FOXN4: variants seen among roughly 807,000 people sequenced by gnomAD.
The protein encoded by FOXN4 is forkhead box N4.
In FOXN4, 12 loss-of-function variants were observed where a neutral mutation model predicts 45.0. The ratio of observed to expected loss-of-function variants is 0.27; its 90% confidence interval spans 0.17 to 0.43. The LOEUF (loss-of-function observed/expected upper bound fraction) is 0.43, where lower values mean the gene tolerates loss of function less well. Among genes scored for constraint, FOXN4 ranks in the 20% least tolerant of loss-of-function variants. The pLI is 1.00. For missense variants in FOXN4, 560 were observed against 694.9 expected (o/e 0.81, Z 2.18); for synonymous variants, 297 against 295.0 (o/e 1.01, Z -0.07).
At chr12:109,306,399 T>C (rs2047922322) in intron 2 of FOXN4, among the ~76,000 whole-genome samples, 1 of 152,220 alleles carries the variant, frequency 6.6e-6, no homozygotes, top group African/African-American at 2.4e-5. Flanking sequence ...TCTCACTCTC[T>C]GACTCCCCTA....
At chr12:109,286,503 A>AGT in intron 7 of FOXN4, 145 bp downstream of exon 7, 1 of 727,894 alleles carries the variant, frequency 1.4e-6, no homozygotes, top group Non-Finnish European at 2.3e-6. Flanking sequence ...CTTCTGTGTG[A>AGT]GTGTGTGTGC....
At chr12:109,300,983 G>A (rs1308013382) in intron 2 of FOXN4, among the ~76,000 whole-genome samples, 1 of 152,252 alleles carries the variant, frequency 6.6e-6, no homozygotes, top group Non-Finnish European at 1.5e-5. Context: ...ACAGTCACTT[G>A]TCAGGGGACC....
Position 109,278,705 on chromosome 12 carries a change from G to C in FOXN4, c.*966C>G, listed in dbSNP as rs946027221. The C allele has an allele frequency of 6.6e-6, 1 of 151,124 alleles. No individual in the cohort carries two copies. Among genetic ancestry groups the C allele is most frequent in the East Asian group, 1.9e-4 (1 of 5,178 alleles). The allele number at this position is 151,124 out of a possible 1,614,324, so 9.4% of individuals were successfully genotyped here. The stretch of plus-strand genomic sequence containing the variant: ...ATTTTCCCCTTTGAAAGCCCCCCAA[G>C]CCCCCAAACAATGGCACCGCCCCTC... On this transcript the variant is annotated 3_prime_UTR_variant, in exon 10 of 10. Coordinates refer to ENST00000299162, the MANE Select transcript of FOXN4 (RefSeq NM_213596.3).
In FOXN4 at chr12:109,304,291, GAAAGGA is replaced by G. The variant is rs1566005739; in HGVS notation, c.86+3939_86+3944del. Among the ~76,000 whole-genome samples the G allele has an allele frequency of 2.5e-3, 110 of 44,578 alleles. 3 individuals are homozygous for G. Among genetic ancestry groups the G allele is most frequent in the Non-Finnish European group, 3.1e-3 (65 of 21,156 alleles). The allele number at this position is 44,578 out of a possible 152,430, so 29.2% of individuals were successfully genotyped here. On this transcript the variant is annotated intron_variant, in intron 2 of 9. Coordinates refer to ENST00000299162, the MANE Select transcript of FOXN4 (RefSeq NM_213596.3). Reference sequence around the variant, plus strand: ...AGAAAGAAAGAAAGAAAGAAAGAAAGAAAGGAGAAAGAAAGAAGGAAAGAAGGAAAG... The same window carrying G: ...AGAAAGAAAGAAAGAAAGAAAGAAAGGAAAGAAAGAAGGAAAGAAGGAAAG...
At chr12:109,286,621 G>A (rs891403950) in intron 7 of FOXN4, 27 bp downstream of exon 7, 3 of 1,587,202 alleles carry the variant, frequency 1.9e-6, no homozygotes, top group Admixed American at 1.8e-5. Flanking sequence ...GGCAGCTCCA[G>A]CACCCCTACC....
chr12:109,304,631 CCGCCTCT>C (rs879865709), intron 2 of FOXN4, among the ~76,000 whole-genome samples: 2,564 of 152,300 alleles, frequency 0.017, 35 homozygotes, highest in Non-Finnish European at 0.025. Context: ...GACAGGGCAG[CCGCCTCT>C]AGCTGCTGCC....
Position 109,281,528 on chromosome 12 carries a change from G to A in FOXN4, c.1173C>T (p.Ser391=), listed in dbSNP as rs149162620. Residue 391 remains serine (S), a synonymous_variant, in exon 9 of 10, where the codon AGC becomes AGT. Coordinates refer to ENST00000299162, the MANE Select transcript of FOXN4 (RefSeq NM_213596.3). ...TPPLHALPDL[S]PSPLPHPAMG... ...TGGCGGGGTGGGGGAGCGGGCTGGG[G>A]CTGAGGTCCGGCAGGGCGTGCAGTG... is the stretch of plus-strand genomic sequence containing the variant. The A allele has an allele frequency of 6.8e-6, 11 of 1,613,526 alleles. No individual in the cohort carries two copies. The highest frequency in any genetic ancestry group is 1.3e-5 in the African/African-American group (1 of 74,898).
intron 2 of FOXN4, among the ~76,000 whole-genome samples, chr12:109,307,204 A>C (rs1380742451): frequency 6.6e-6 from 1 of 152,238 alleles, no homozygotes; most frequent in Non-Finnish European, 1.5e-5. Flanking sequence ...CTGTCCCAGC[A>C]GGCACTCCTG....
intron 2 of FOXN4, among the ~76,000 whole-genome samples, chr12:109,301,635 C>G (rs1299279614): frequency 6.6e-6 from 1 of 152,266 alleles, no homozygotes; most frequent in Non-Finnish European, 1.5e-5. Flanking sequence ...TCTTTCTCAG[C>G]CTAAATGATC....
rs1370380486 is a variant in FOXN4 at position 109,292,722 on chromosome 12, G to A, written c.87-2436C>T. ...AGCTTTGGGGTCTGGGGGTCACACCGACATGCCCCGGCCACTGCTACCACT... is the reference window on the plus strand; with the variant it reads ...AGCTTTGGGGTCTGGGGGTCACACCAACATGCCCCGGCCACTGCTACCACT... On this transcript the variant is annotated intron_variant, in intron 2 of 9. Transcript: ENST00000299162. 4.6e-5 allele frequency among the ~76,000 whole-genome samples: 7 copies of A among 152,228 alleles called. 1 individual carries two copies. The South Asian group carries it at 8.3e-4, about 18-fold the overall frequency.
Position 109,287,933 on chromosome 12 carries a change from C to T in FOXN4, c.379G>A (p.Gly127Ser). 6.5e-7 allele frequency: 1 copy of T among 1,549,794 alleles called. No individual in the cohort carries two copies. The change falls in exon 5 of 10, where the codon GGC becomes AGC. Residue 127 changes from glycine to serine, a missense_variant. By Grantham distance (56) the Gly-to-Ser change is moderately conservative. Transcript: ENST00000299162. The surrounding 1 kb of genome is among the most constrained non-coding windows in gnomAD (Gnocchi z 4.1). ...RDSMSQFPVG[G>S]QPSSGLQDPP... ...TCCTGCAGGCCAGATGAGGGCTGGC[C>T]CCCCACGGGGAACTGGCTCATCTGC...
intron 8 of FOXN4, among the ~76,000 whole-genome samples, chr12:109,283,532 G>A (rs1245747492): frequency 6.8e-6 from 1 of 146,758 alleles, no homozygotes; most frequent in Non-Finnish European, 1.5e-5. Flanking sequence ...CTGGAGTACA[G>A]TGGCTTGATC....
At chr12:109,308,063 GC>G (rs2047937438) in intron 2 of FOXN4, among the ~76,000 whole-genome samples, 172 bp downstream of exon 2, 1 of 152,122 alleles carries the variant, frequency 6.6e-6, no homozygotes, top group African/African-American at 2.4e-5. Flanking sequence ...CCAGGTTGTG[GC>G]CCAGACACCC....
At chr12:109,301,591 G>A (rs1232050968) in intron 2 of FOXN4, among the ~76,000 whole-genome samples, 1 of 152,178 alleles carries the variant, frequency 6.6e-6, no homozygotes, top group African/African-American at 2.4e-5. Context: ...CCCTCTGCCT[G>A]GAATGCTGTT....
chr12:109,297,379 C>T (rs1458496711), intron 2 of FOXN4, among the ~76,000 whole-genome samples: 1 of 152,220 alleles, frequency 6.6e-6, no homozygotes, highest in Non-Finnish European at 1.5e-5. Flanking sequence ...TTGCTCTTGT[C>T]GCCCAGGCTG....
At chr12:109,282,644 C>T (rs2047663829) in intron 8 of FOXN4, among the ~76,000 whole-genome samples, 1 of 152,164 alleles carries the variant, frequency 6.6e-6, no homozygotes, top group Non-Finnish European at 1.5e-5. Flanking sequence ...CCTAGCCACT[C>T]CCTGCTACTA....
At position 109,290,146 on chromosome 12, in the gene FOXN4, T is replaced by A. The variant is rs772022139; in HGVS notation, c.227A>T (p.His76Leu). The change falls in exon 3 of 10, where the codon CAC (histidine) becomes CTC (leucine). Residue 76 changes from histidine (H) to leucine (L), a missense_variant. Physicochemically the swap from His to Leu is moderately conservative, Grantham distance 99 (BLOSUM62 -3). Transcript: ENST00000299162. This position sits in a 1 kb window ranked among gnomAD's most constrained non-coding sequence, Gnocchi z 5.1. ...DLGGPCVPHP[H>L]PGALAGVADL... is the part of the protein sequence containing the mutation. ...TACCTTGTCCCTGAGCCTACCTGGG[T>A]GTGGATGTGGCACGCAGGGGCCACC... 1 of 1,546,954 alleles carries A rather than the reference T, an allele frequency of 6.5e-7. No homozygotes were observed. Among genetic ancestry groups the A allele is most frequent in the South Asian group, 1.2e-5 (1 of 83,184 alleles).
intron 2 of FOXN4, among the ~76,000 whole-genome samples, chr12:109,304,502 C>T (rs1005016494): frequency 2.6e-5 from 4 of 152,154 alleles, no homozygotes; most frequent in African/African-American, 7.2e-5. Flanking sequence ...CCCTGTTTAC[C>T]GTTGCCCAAG....
At chr12:109,286,073 C>T (rs2136919836) in intron 7 of FOXN4, among the ~76,000 whole-genome samples, 1 of 152,232 alleles carries the variant, frequency 6.6e-6, no homozygotes, top group East Asian at 1.9e-4. Flanking sequence ...CATCTCACAC[C>T]ACATGTGTAC....
Sources: gnomAD v4.1 joint callset for allele counts (sites outside exome capture counted in the v4.1 genomes callset) on GRCh38, gnomAD v4.1.1 for gene constraint, Gnocchi (gnomAD v3.1) non-coding constraint, MANE v1.5 for transcripts, NCBI Gene and HGNC (gene_info 2026-07-23, HGNC 2026-07-21) for gene names.